The following ERICH3 variants were observed in gnomAD, a reference collection of about 807,000 sequenced individuals.
ERICH3 encodes the protein glutamate rich 3.
ERICH3 carries 126 observed loss-of-function variants against 131.1 expected under a neutral mutation model. The observed-to-expected ratio is 0.96, with a 90% CI of 0.83 to 1.11. The LOEUF is 1.11. Among genes scored for constraint, ERICH3 ranks in the 50% most tolerant of loss-of-function variants. ERICH3 has a pLI of 0.00. For synonymous variants in ERICH3, 695 were observed against 644.6 expected (o/e 1.08, Z -1.18); for missense variants, 2,050 against 1,810.7 (o/e 1.13, Z -2.40).
rs1452595135 is a variant in ERICH3, at chr1:74,573,104, C to T, written c.2606G>A (p.Gly869Asp). The T allele has an allele frequency of 6.2e-7, 1 of 1,614,042 alleles. No individual in the cohort carries two copies. The highest frequency in any genetic ancestry group is 2.2e-5 in the East Asian group (1 of 44,882). The change falls in exon 14 of 15, where the codon GGT becomes GAT. Residue 869 changes from glycine to aspartate, a missense_variant. Gly to Asp is a moderately conservative substitution (Grantham distance 94). Coordinates refer to ENST00000326665, the MANE Select transcript of ERICH3 (RefSeq NM_001002912.5). Reference protein sequence around the residue: ...IGQAAAKDAVGLSKDEAPEKQ... With the variant: ...IGQAAAKDAVDLSKDEAPEKQ... Reference sequence around the variant, plus strand: ...TTCAGGAGCCTCATCTTTACTCAGACCCACAGCATCTTTTGCTGCTGCTTG... The same window carrying T: ...TTCAGGAGCCTCATCTTTACTCAGATCCACAGCATCTTTTGCTGCTGCTTG...
At chr1:74,620,938 C>A in intron 7 of ERICH3, 24 bp from the exon 8 acceptor site, 1 of 1,483,812 alleles carries the variant, frequency 6.7e-7, no homozygotes, top group Non-Finnish European at 9.0e-7. Context: ...AAAAATGAGG[C>A]TTATTAACGA....
intron 6 of ERICH3, chr1:74,634,799 T>G: frequency 6.4e-6 from 4 of 621,224 alleles, no homozygotes; most frequent in Non-Finnish European, 1.2e-5. Context: ...CCAAAGACCT[T>G]TGAGTTTTCT....
chr1:74,642,965 CTGT>C, intron 4 of ERICH3, 59 bp downstream of exon 4: 2 of 1,261,674 alleles, frequency 1.6e-6, no homozygotes, highest in Non-Finnish European at 2.3e-6. Context: ...CATAGTTTCA[CTGT>C]TTTTTTTAAA....
chr1:74,659,680 ATC>A (rs1475632463), intron 1 of ERICH3, among the ~76,000 whole-genome samples: 2 of 152,194 alleles, frequency 1.3e-5, no homozygotes, highest in African/African-American at 4.8e-5. Flanking sequence ...GGCATGCACA[ATC>A]TCTGTTAATC....
chr1:74,649,366 A>G (rs1444215620), intron 1 of ERICH3, 51 bp from the exon 2 acceptor site: 10 of 1,415,764 alleles, frequency 7.1e-6, no homozygotes, highest in Admixed American at 1.7e-5. Flanking sequence ...TTGTTTGATA[A>G]CCAAGGCAAT....
chr1:74,670,591 C>G (rs1646732297), intron 1 of ERICH3, among the ~76,000 whole-genome samples: 1 of 152,146 alleles, frequency 6.6e-6, no homozygotes, highest in African/African-American at 2.4e-5. Context: ...TCTCTTAATC[C>G]TGTTATCTTC....
At chr1:74,597,020 A>C (rs959901131) in intron 11 of ERICH3, among the ~76,000 whole-genome samples, 3 of 152,034 alleles carry the variant, frequency 2.0e-5, no homozygotes, top group African/African-American at 2.4e-5. Flanking sequence ...ACACATCCAA[A>C]TACTAACAGC....
intron 8 of ERICH3, among the ~76,000 whole-genome samples, chr1:74,615,036 G>A (rs1368755766): frequency 6.6e-6 from 1 of 152,146 alleles, no homozygotes; most frequent in Non-Finnish European, 1.5e-5. Context: ...AAGGGCTCAG[G>A]AAATCAACCC....
rs760553508 is a variant in ERICH3 at position 74,606,878 on chromosome 1, G to A, written c.1212C>T (p.Asp404=). 1.9e-6 allele frequency: 3 copies of A among 1,611,818 alleles called. No individual in the cohort carries two copies. Among genetic ancestry groups the A allele is most frequent in the Middle Eastern group, 3.3e-4 (2 of 6,042 alleles). ...TAGATTTCGGCAAAGACGGTTTTTTGTCAAGGCCCATTGCAATAATGCACC... is the reference window on the plus strand; with the variant it reads ...TAGATTTCGGCAAAGACGGTTTTTTATCAAGGCCCATTGCAATAATGCACC... The part of the protein sequence containing the change: ...CYKCIIAMGL[D]KKPSLPKSRK... Residue 404 remains aspartate, a synonymous_variant, in exon 10 of 15, where the codon GAC becomes GAT. Transcript: ENST00000326665.
At chr1:74,660,723 T>C (rs1646633989) in intron 1 of ERICH3, among the ~76,000 whole-genome samples, 1 of 150,052 alleles carries the variant, frequency 6.7e-6, no homozygotes, top group Non-Finnish European at 1.5e-5. Flanking sequence ...CATATACACA[T>C]AAATACTTTT....
At position 74,572,774 on chromosome 1, in the gene ERICH3, TC is replaced by T; in HGVS notation, c.2935del (p.Glu979AsnfsTer10). 1 of 1,613,908 alleles carries T rather than the reference TC, an allele frequency of 6.2e-7. No individual in the cohort carries two copies. The highest frequency in any genetic ancestry group is 8.5e-7 in the Non-Finnish European group (1 of 1,179,988). ...GSEEAILGGE[E>X]PAKERKEVMR... Reference sequence around the variant, plus strand: ...AACCTCTTTTCTCTCTTTGGCTGGTTCCTCTCCCCCAAGAATTGCCTCTTCA... The same window carrying T: ...AACCTCTTTTCTCTCTTTGGCTGGTTCTCTCCCCCAAGAATTGCCTCTTCA... On this transcript the variant is annotated frameshift_variant, in exon 14 of 15. Transcript: ENST00000326665. LOFTEE classifies it high-confidence loss of function.
chr1:74,643,486 G>T (rs1306160504), intron 3 of ERICH3, among the ~76,000 whole-genome samples: 1 of 151,948 alleles, frequency 6.6e-6, no homozygotes, highest in African/African-American at 2.4e-5. Flanking sequence ...TATATTTCTG[G>T]CACATCCATA....
intron 9 of ERICH3, among the ~76,000 whole-genome samples, chr1:74,608,738 T>C (rs1374457202): frequency 6.6e-6 from 1 of 152,090 alleles, no homozygotes; most frequent in African/African-American, 2.4e-5. Context: ...GCATGATAAA[T>C]ATTTCTTGAC....
chr1:74,640,680 A>C (rs1364981924), intron 5 of ERICH3, among the ~76,000 whole-genome samples: 1 of 152,192 alleles, frequency 6.6e-6, no homozygotes, highest in Non-Finnish European at 1.5e-5. Context: ...CCACTTTTAG[A>C]TTAGAAATGA....
intron 3 of ERICH3, among the ~76,000 whole-genome samples, chr1:74,645,863 T>C (rs1557698091): frequency 1.3e-5 from 2 of 152,084 alleles, no homozygotes; most frequent in South Asian, 2.1e-4. Context: ...TTCATATTGG[T>C]TTACTGATGA....
At chr1:74,645,728 T>C (rs1646477330) in intron 3 of ERICH3, among the ~76,000 whole-genome samples, 1 of 152,152 alleles carries the variant, frequency 6.6e-6, no homozygotes, top group Non-Finnish European at 1.5e-5. Context: ...AACAATTCTA[T>C]GTAATTCATG....
chr1:74,598,022 C>T (rs1647937844), intron 11 of ERICH3, among the ~76,000 whole-genome samples: 1 of 151,944 alleles, frequency 6.6e-6, no homozygotes, highest in South Asian at 2.1e-4. Flanking sequence ...ATATTCTCTA[C>T]TCCTCTTGCA....
chr1:74,653,051 C>T (rs775237656), intron 1 of ERICH3, among the ~76,000 whole-genome samples: 1 of 152,062 alleles, frequency 6.6e-6, no homozygotes, highest in Non-Finnish European at 1.5e-5. Context: ...GTGCTACCTT[C>T]CCAGCTGCGG....
chr1:74,660,610 T>A (rs1209970170), intron 1 of ERICH3, among the ~76,000 whole-genome samples: 3 of 148,596 alleles, frequency 2.0e-5, no homozygotes. Flanking sequence ...TATATATATA[T>A]ATATAGTGTG....
Sources: allele counts gnomAD v4.1 joint callset (sites outside exome capture counted in the v4.1 genomes callset), GRCh38; gene constraint gnomAD v4.1.1; transcripts MANE v1.5; gene names NCBI Gene and HGNC (gene_info 2026-07-23, HGNC 2026-07-21).